Variants in DCDC1 observed in about 807,000 individuals in gnomAD.
DCDC1 encodes the protein doublecortin domain containing 1.
A neutral mutation model predicts 178.3 loss-of-function variants in DCDC1; 200 were observed. The ratio of observed to expected loss-of-function variants is 1.12; its 90% CI spans 1.00 to 1.26. The LOEUF (loss-of-function observed/expected upper bound fraction) is 1.26, where lower values mean the gene tolerates loss of function less well. Among genes scored for constraint, DCDC1 ranks in the 50% most tolerant of loss-of-function variants. DCDC1 has a pLI of 0.00. For missense variants in DCDC1, 1,983 were observed against 1,749.2 expected, an observed-to-expected ratio of 1.13 and a Z score of -2.38; for synonymous variants, 690 against 604.8, an observed-to-expected ratio of 1.14 and a Z score of -2.07.
intron 6 of DCDC1, among the ~76,000 whole-genome samples, chr11:31,293,195 T>C (rs531589395): frequency 3.3e-5 from 5 of 152,278 alleles, no homozygotes; most frequent in South Asian, 4.2e-4. Context: ...TTATGGAGCA[T>C]TGGAGTATAT....
rs796505533 is a variant in DCDC1 at position 31,007,431 on chromosome 11, C to T, written c.2592-54863G>A. 3.9e-5 allele frequency among the ~76,000 whole-genome samples: 6 copies of T among 152,234 alleles called. No individual in the cohort carries two copies. The East Asian group carries it at 5.8e-4, about 15-fold the overall frequency. The stretch of plus-strand genomic sequence containing the variant: ...ACATTTCCCTGTGTAGTAACTGGTC[C>T]GTCAGTCCTAACAGGATGAAGGGTG... On this transcript the variant is annotated intron_variant, in intron 20 of 38. Transcript: ENST00000684477.
intron 4 of DCDC1, among the ~76,000 whole-genome samples, chr11:31,306,639 T>C (rs751208078): frequency 3.3e-5 from 5 of 151,954 alleles, no homozygotes; most frequent in Non-Finnish European, 5.9e-5. Flanking sequence ...TATATCAGAA[T>C]AAATGATTCT....
At chr11:31,292,968 A>T (rs1947344547) in intron 6 of DCDC1, among the ~76,000 whole-genome samples, 1 of 152,162 alleles carries the variant, frequency 6.6e-6, no homozygotes, top group East Asian at 1.9e-4. Context: ...TATTAACTCT[A>T]CCTTCAAACT....
chr11:30,994,529 TTATATA>T (rs35280751), intron 20 of DCDC1, among the ~76,000 whole-genome samples: 1 of 145,152 alleles, frequency 6.9e-6, no homozygotes, highest in South Asian at 2.1e-4. Context: ...TGACCTCAAG[TTATATA>T]TATATATATG....
chr11:30,954,724 G>A (rs1948667391), intron 20 of DCDC1, among the ~76,000 whole-genome samples: 1 of 152,192 alleles, frequency 6.6e-6, no homozygotes, highest in African/African-American at 2.4e-5. Context: ...GAGTGCAGGA[G>A]CAGTGCATCA....
At chr11:31,314,778 C>A (rs577969421) in intron 3 of DCDC1, among the ~76,000 whole-genome samples, 1 of 152,200 alleles carries the variant, frequency 6.6e-6, no homozygotes, top group Admixed American at 6.5e-5. Context: ...GATTATGTCA[C>A]TTAACGACAT....
chr11:30,911,056 T>C (rs914093478), intron 28 of DCDC1, among the ~76,000 whole-genome samples: 3 of 152,070 alleles, frequency 2.0e-5, no homozygotes, highest in African/African-American at 7.2e-5. Context: ...TTGGGACAAT[T>C]TCTCATGCTT....
At position 31,051,454 on chromosome 11, in the gene DCDC1, A is replaced by C. The variant is rs550757144; in HGVS notation, c.2591+13015T>G. Among the ~76,000 whole-genome samples, 26 of 152,330 alleles carry C rather than the reference A, an allele frequency of 1.7e-4. 1 individual carries two copies. The East Asian group carries it at 4.2e-3, about 25-fold the overall frequency. On this transcript the variant is annotated intron_variant, in intron 20 of 38. Coordinates refer to ENST00000684477, the MANE Select transcript of DCDC1 (RefSeq NM_001387274.1). ...AGCCTTGTGAGAGACCTAGACAGCT[A>C]AATACAAGAAGCACAAAGAACACCT...
chr11:31,021,920 G>A (rs1366198892), intron 20 of DCDC1, among the ~76,000 whole-genome samples: 3 of 152,064 alleles, frequency 2.0e-5, no homozygotes. Context: ...CGTTTTCAAA[G>A]GCCTTACAAC....
intron 20 of DCDC1, among the ~76,000 whole-genome samples, chr11:31,061,501 T>A (rs1343471696): frequency 1.3e-5 from 2 of 151,896 alleles, no homozygotes; most frequent in Admixed American, 6.6e-5. Context: ...AAATTACATC[T>A]ACTGTAGTAA....
chr11:31,179,893 A>G (rs577651828), intron 9 of DCDC1, among the ~76,000 whole-genome samples: 1 of 152,262 alleles, frequency 6.6e-6, no homozygotes, highest in Admixed American at 6.5e-5. Flanking sequence ...TCTCAACAAG[A>G]TATTAGCAAG....
chr11:31,051,390 G>A (rs1322109762), intron 20 of DCDC1, among the ~76,000 whole-genome samples: 1 of 152,140 alleles, frequency 6.6e-6, no homozygotes, highest in Non-Finnish European at 1.5e-5. Flanking sequence ...CAAAATCCTG[G>A]AAAACATATT....
chr11:31,260,369 T>C (rs764599299), intron 8 of DCDC1, among the ~76,000 whole-genome samples: 7 of 152,222 alleles, frequency 4.6e-5, no homozygotes, highest in Non-Finnish European at 1.0e-4. Flanking sequence ...AGAGCTAACA[T>C]TCAAATTCAT....
chr11:31,355,449 T>C (rs993187948), intron 1 of DCDC1, among the ~76,000 whole-genome samples: 7 of 152,330 alleles, frequency 4.6e-5, no homozygotes, highest in Admixed American at 4.6e-4. Flanking sequence ...CCTCATTATG[T>C]AATTGACATA....
intron 10 of DCDC1, among the ~76,000 whole-genome samples, chr11:31,136,750 C>T (rs915169776): frequency 3.3e-5 from 5 of 152,170 alleles, no homozygotes; most frequent in Admixed American, 2.0e-4. Flanking sequence ...TTCCAGGAAA[C>T]GACATGAAAA....
At chr11:31,075,486 TG>T (rs1320562768) in intron 18 of DCDC1, among the ~76,000 whole-genome samples, 5 of 152,304 alleles carry the variant, frequency 3.3e-5, no homozygotes, top group Admixed American at 3.3e-4. Context: ...CTATACAGGT[TG>T]CACTATAATA....
chr11:31,115,465 C>T lies in DCDC1; in HGVS notation c.1486-5104G>A, dbSNP rs544607102. ...CTTCAAAATGTCTCAGGATGCAATGCTGTCAAGAGGCAATAATAGAAAAAT... is the reference window on the plus strand; with the variant it reads ...CTTCAAAATGTCTCAGGATGCAATGTTGTCAAGAGGCAATAATAGAAAAAT... On this transcript the variant is annotated intron_variant, in intron 11 of 38. Coordinates refer to ENST00000684477, the MANE Select transcript of DCDC1 (RefSeq NM_001387274.1). Among the ~76,000 whole-genome samples, 7 of 152,226 alleles carry T rather than the reference C, an allele frequency of 4.6e-5. No individual in the cohort carries two copies. The South Asian group carries it at 8.3e-4, about 18-fold the overall frequency.
intron 9 of DCDC1, among the ~76,000 whole-genome samples, chr11:31,230,351 G>C (rs1975612344): frequency 6.7e-6 from 1 of 150,364 alleles, no homozygotes; most frequent in Non-Finnish European, 1.5e-5. Context: ...AAATATTAAG[G>C]GCCAAAAAGA....
intron 1 of DCDC1, among the ~76,000 whole-genome samples, chr11:31,362,266 G>T (rs939213486): frequency 4.6e-5 from 7 of 151,970 alleles, no homozygotes; most frequent in Non-Finnish European, 1.0e-4. Flanking sequence ...AATATAGATA[G>T]AAACTAAAAA....
Sources: gnomAD v4.1 joint callset for allele counts (sites outside exome capture counted in the v4.1 genomes callset) on GRCh38, gnomAD v4.1.1 for gene constraint, MANE v1.5 for transcripts, NCBI Gene and HGNC (gene_info 2026-07-23, HGNC 2026-07-21) for gene names.